The following FMN1 variants were observed in gnomAD, a reference collection of about 807,000 sequenced individuals.
The protein encoded by FMN1 is formin-1.
Under a neutral mutation model 132.4 loss-of-function variants are expected in FMN1, and 110 were observed. The observed-to-expected ratio is 0.83, with a 90% CI of 0.71 to 0.97. The LOEUF is 0.97. Ranked by LOEUF, FMN1 falls within the 50% of genes least tolerant of loss-of-function variation. The pLI is 0.00. For synonymous variants in FMN1, 722 were observed against 651.7 expected, an observed-to-expected ratio of 1.11 and a Z score of -1.64; for missense variants, 1,792 against 1,705.3, an observed-to-expected ratio of 1.05 and a Z score of -0.90.
At chr15:33,113,862 G>T (rs1320853364) in intron 4 of FMN1, among the ~76,000 whole-genome samples, 2 of 152,162 alleles carry the variant, frequency 1.3e-5, no homozygotes, top group African/African-American at 4.8e-5. Flanking sequence ...CTTTAACAAT[G>T]AAACCCTGAC....
chr15:32,939,323 C>T (rs2061350141), intron 9 of FMN1, among the ~76,000 whole-genome samples: 1 of 152,072 alleles, frequency 6.6e-6, no homozygotes, highest in Admixed American at 6.6e-5. Flanking sequence ...GATATATACC[C>T]ATTACCGAAG....
At chr15:33,025,316 C>T (rs1032244252) in intron 6 of FMN1, among the ~76,000 whole-genome samples, 1 of 152,114 alleles carries the variant, frequency 6.6e-6, no homozygotes, top group Non-Finnish European at 1.5e-5. Context: ...TAATGACTGA[C>T]ACAATCAACA....
chr15:33,151,465 G>A, intron 4 of FMN1: 1 of 1,394,980 alleles, frequency 7.2e-7, no homozygotes, highest in Non-Finnish European at 9.7e-7. Context: ...GTCACTCAGT[G>A]GGCTCACGGT....
intron 15 of FMN1, among the ~76,000 whole-genome samples, chr15:32,894,847 T>TTGTG (rs1447076980): frequency 5.9e-3 from 4 of 680 alleles, no homozygotes; most frequent in Admixed American, 0.058. Context: ...TTTCAGGTTA[T>TTGTG]TCTGTGTATT....
intron 10 of FMN1, among the ~76,000 whole-genome samples, chr15:32,917,934 T>C (rs889073277): frequency 6.6e-6 from 1 of 152,234 alleles, no homozygotes; most frequent in Non-Finnish European, 1.5e-5. Flanking sequence ...TTATTTAGTA[T>C]ATACATTCAT....
intron 6 of FMN1, chr15:33,012,763 G>T (rs1161897798): frequency 5.5e-6 from 4 of 724,220 alleles, no homozygotes; most frequent in Admixed American, 5.3e-5. Context: ...CGACATCTTT[G>T]GTTATGGAGA....
intron 7 of FMN1, among the ~76,000 whole-genome samples, chr15:33,005,111 G>C (rs2034343615): frequency 6.6e-6 from 1 of 151,846 alleles, no homozygotes; most frequent in African/African-American, 2.4e-5. Context: ...AATGAGTGCA[G>C]CACAACAACA....
chr15:33,058,637 AC>A (rs1414472994), intron 6 of FMN1, among the ~76,000 whole-genome samples: 1 of 152,232 alleles, frequency 6.6e-6, no homozygotes, highest in Non-Finnish European at 1.5e-5. Context: ...AATCAAAAGA[AC>A]AGCGTGAAAC....
chr15:32,893,379 TGTGCGCGCTC>T (rs1037983258), intron 15 of FMN1, among the ~76,000 whole-genome samples: 1 of 152,258 alleles, frequency 6.6e-6, no homozygotes, highest in African/African-American at 2.4e-5. Flanking sequence ...CGTGTGTGTG[TGTGCGCGCTC>T]GTGCGCGCGC....
At chr15:32,978,256 G>A (rs546467729) in intron 7 of FMN1, among the ~76,000 whole-genome samples, 6 of 152,254 alleles carry the variant, frequency 3.9e-5, no homozygotes, top group African/African-American at 1.4e-4. Context: ...GAAGTAGCAG[G>A]AAAGTAAAAC....
At chr15:33,169,521 A>T (rs1393911106) in intron 3 of FMN1, among the ~76,000 whole-genome samples, 2 of 152,156 alleles carry the variant, frequency 1.3e-5, no homozygotes, top group East Asian at 3.8e-4. Context: ...AAGAAGGGTA[A>T]GTTTCTTCCT....
chr15:33,039,178 T>C (rs2036314983), intron 6 of FMN1, among the ~76,000 whole-genome samples: 1 of 151,822 alleles, frequency 6.6e-6, no homozygotes, highest in African/African-American at 2.4e-5. Flanking sequence ...TCAGAAAAGG[T>C]AATGGGAAAG....
chr15:33,098,868 A>G (rs1425399470), intron 4 of FMN1, among the ~76,000 whole-genome samples: 1 of 152,114 alleles, frequency 6.6e-6, no homozygotes, highest in Non-Finnish European at 1.5e-5. Context: ...TAAGGTTGGT[A>G]AGGGCTTTCT....
At chr15:33,189,286 A>T (rs1303827579) in intron 2 of FMN1, among the ~76,000 whole-genome samples, 1 of 152,160 alleles carries the variant, frequency 6.6e-6, no homozygotes, top group African/African-American at 2.4e-5. Flanking sequence ...ATAAAGAGAG[A>T]TGGGGACATT....
intron 5 of FMN1, chr15:33,067,204 C>T (rs1171998759): frequency 1.2e-6 from 2 of 1,613,446 alleles, no homozygotes; most frequent in Admixed American, 1.7e-5. Flanking sequence ...TGGGGCGACG[C>T]TCTGTCTGAA....
At chr15:32,784,731 G>A (rs1407807204) in intron 19 of FMN1, among the ~76,000 whole-genome samples, 1 of 152,142 alleles carries the variant, frequency 6.6e-6, no homozygotes, top group African/African-American at 2.4e-5. Flanking sequence ...AGGCACAGTG[G>A]GGACAGATCC....
At chr15:32,797,062 C>T (rs981670128) in intron 19 of FMN1, among the ~76,000 whole-genome samples, 1 of 151,964 alleles carries the variant, frequency 6.6e-6, no homozygotes, top group Non-Finnish European at 1.5e-5. Flanking sequence ...GGAAGCAATG[C>T]CACAAACGCC....
chr15:33,109,345 G>C (rs1595490099), intron 4 of FMN1, among the ~76,000 whole-genome samples: 1 of 152,076 alleles, frequency 6.6e-6, no homozygotes, highest in East Asian at 1.9e-4. Context: ...AATGAGTATG[G>C]GGAAATTTTA....
At chr15:32,975,871 ATCC>A (rs2032160334) in intron 7 of FMN1, among the ~76,000 whole-genome samples, 1 of 151,886 alleles carries the variant, frequency 6.6e-6, no homozygotes, top group Non-Finnish European at 1.5e-5. Flanking sequence ...CCCCTACCAA[ATCC>A]TCATTATTTT....
Sources: allele counts gnomAD v4.1 joint callset (sites outside exome capture counted in the v4.1 genomes callset), GRCh38; gene constraint gnomAD v4.1.1; transcripts MANE v1.5; gene names NCBI Gene and HGNC (gene_info 2026-07-23, HGNC 2026-07-21).